Variants in GPRIN3 observed in about 807,000 individuals in gnomAD.
GPRIN3 encodes the protein G protein-regulated inducer of neurite outgrowth 3.
A neutral mutation model predicts 13.7 loss-of-function variants in GPRIN3; 12 were observed. The observed-to-expected ratio is 0.87, with a 90% CI of 0.56 to 1.42. The LOEUF (loss-of-function observed/expected upper bound fraction) is 1.42, where lower values mean the gene tolerates loss of function less well. Among genes scored for constraint, GPRIN3 ranks in the 40% most tolerant of loss-of-function variants. The pLI is 0.00. For missense variants in GPRIN3, 1,009 were observed against 958.7 expected, an observed-to-expected ratio of 1.05 and a Z score of -0.69; for synonymous variants, 377 against 372.7, an observed-to-expected ratio of 1.01 and a Z score of -0.13.
chr4:89,264,324 C>T (rs1723726603), intron 1 of GPRIN3, among the ~76,000 whole-genome samples: 1 of 152,176 alleles, frequency 6.6e-6, no homozygotes, highest in Admixed American at 6.5e-5. Context: ...CCCTGGCTCC[C>T]TTTTGCCTTC....
intron 1 of GPRIN3, among the ~76,000 whole-genome samples, chr4:89,288,457 A>T (rs983703962): frequency 6.6e-6 from 1 of 152,172 alleles, no homozygotes; most frequent in East Asian, 1.9e-4. Context: ...AGTTTGCATA[A>T]ATGCAAACTT....
intron 1 of GPRIN3, among the ~76,000 whole-genome samples, chr4:89,289,196 T>G (rs1246285480): frequency 6.6e-6 from 1 of 150,868 alleles, no homozygotes; most frequent in African/African-American, 2.4e-5. Context: ...AAGCCAGGCA[T>G]CTCCCTTTCC....
rs888670039 is a variant in GPRIN3, at chr4:89,238,257, T to G, written c.*9523A>C. 2 of 152,186 alleles carry G rather than the reference T, an allele frequency of 1.3e-5. No homozygotes were observed. The highest frequency in any genetic ancestry group is 2.9e-5 in the Non-Finnish European group (2 of 68,040). 9.4% of individuals were successfully genotyped at this position (152,186 alleles called of 1,614,324 possible). On this transcript the variant is annotated 3_prime_UTR_variant, in exon 2 of 2. Coordinates refer to ENST00000609438, the MANE Select transcript of GPRIN3 (RefSeq NM_198281.3). ...TCATATATCTTGTACCTCTCCTTCT[T>G]TACAGATCCTTGATGAATTGAAGAT...
intron 1 of GPRIN3, among the ~76,000 whole-genome samples, chr4:89,279,194 G>GT (rs945775945): frequency 1.3e-5 from 2 of 152,200 alleles, no homozygotes; most frequent in Admixed American, 6.5e-5. Flanking sequence ...AAGAAAAGGA[G>GT]TTTTTTATTT....
At position 89,248,323 on chromosome 4, in the gene GPRIN3, G is replaced by C; in HGVS notation, c.1788C>G (p.Asn596Lys). 1.2e-6 allele frequency: 2 copies of C among 1,614,130 alleles called. No individual in the cohort carries two copies. Among genetic ancestry groups the C allele is most frequent in the South Asian group, 2.2e-5 (2 of 91,080 alleles). Residue 596 changes from asparagine to lysine, a missense_variant, in exon 2 of 2, where the codon AAC (asparagine) becomes AAG (lysine). Transcript: ENST00000609438. The part of the protein sequence containing the change: ...RKNQESTLEE[N>K]RQTKTATSLS... ...GGCTGGTGGCTGTCTTGGTCTGTCT[G>C]TTTTCTTCTAAGGTGCTCTCCTGGT...
intron 1 of GPRIN3, among the ~76,000 whole-genome samples, chr4:89,300,455 T>C (rs1724864838): frequency 6.6e-6 from 1 of 152,070 alleles, no homozygotes; most frequent in African/African-American, 2.4e-5. Context: ...TTATAATAGA[T>C]CTGATGTTTA....
intron 1 of GPRIN3, among the ~76,000 whole-genome samples, chr4:89,270,600 T>TATATAA (rs1328112008): frequency 3.2e-4 from 39 of 120,558 alleles, no homozygotes; most frequent in African/African-American, 1.0e-3. Flanking sequence ...TATATATATA[T>TATATAA]AAAATATAGA....
chr4:89,249,890 G>A lies in GPRIN3; in HGVS notation c.221C>T (p.Thr74Ile), dbSNP rs1289890752. The change falls in exon 2 of 2, where the codon ACC becomes ATC. Residue 74 changes from threonine to isoleucine, a missense_variant. Thr to Ile is a moderately conservative substitution (Grantham distance 89). Transcript: ENST00000609438. ...ACCAGGAGAAGACATATCTGGTTGGGTGGTCTCATGCTCACAAACCTGCAT... is the reference window on the plus strand; with the variant it reads ...ACCAGGAGAAGACATATCTGGTTGGATGGTCTCATGCTCACAAACCTGCAT... ...ALMQVCEHET[T>I]QPDMSSPGVF... 20 of 1,614,236 alleles carry A rather than the reference G, an allele frequency of 1.2e-5. No homozygotes were observed. The highest frequency in any genetic ancestry group is 1.7e-5 in the Non-Finnish European group (20 of 1,180,040).
intron 1 of GPRIN3, among the ~76,000 whole-genome samples, chr4:89,295,229 C>G (rs369109283): frequency 1.5e-4 from 23 of 152,288 alleles, no homozygotes; most frequent in African/African-American, 5.1e-4. Flanking sequence ...CTTATATTTA[C>G]AGCAACACAC....
Position 89,249,743 on chromosome 4 carries a change from T to C in GPRIN3, c.368A>G (p.His123Arg). The C allele has an allele frequency of 6.2e-7, 1 of 1,614,100 alleles. No homozygotes were observed. The highest frequency in any genetic ancestry group is 8.5e-7 in the Non-Finnish European group (1 of 1,180,002). Residue 123 changes from histidine (H) to arginine (R), a missense_variant, in exon 2 of 2, where the codon CAC (histidine) becomes CGC (arginine). Physicochemically the swap from His to Arg is conservative, Grantham distance 29. Transcript: ENST00000609438. ...ATTGGCGGGCATTGTCAATGGTGTG[T>C]GTATAAGATCCCTTCCTGCTGCAGA... is the stretch of plus-strand genomic sequence containing the variant. ...PSSAAGRDLI[H>R]TPLTMPANQH... is the part of the protein sequence containing the mutation.
At position 89,249,609 on chromosome 4, in the gene GPRIN3, C is replaced by G; in HGVS notation, c.502G>C (p.Glu168Gln). The stretch of plus-strand genomic sequence containing the variant: ...CCTCCCACAGGACAACTTGGTTTCT[C>G]AGGTTGCTCTCTATTTGAGGTTCTC... ...SQRTSNREQP[E>Q]KPSCPVGGVL... The change falls in exon 2 of 2, where the codon GAG becomes CAG. Residue 168 changes from glutamate to glutamine, a missense_variant. By Grantham distance (29) the Glu-to-Gln change is conservative. Transcript: ENST00000609438. 6.2e-7 allele frequency: 1 copy of G among 1,614,156 alleles called. No homozygotes were observed. The highest frequency in any genetic ancestry group is 1.3e-5 in the African/African-American group (1 of 75,044).
rs1002447887 is a variant in GPRIN3 at position 89,241,399 on chromosome 4, C to T, written c.*6381G>A. 1.3e-5 allele frequency: 2 copies of T among 152,152 alleles called. No homozygotes were observed. Among genetic ancestry groups the T allele is most frequent in the African/African-American group, 4.8e-5 (2 of 41,450 alleles). 9.4% of individuals were successfully genotyped at this position (152,152 alleles called of 1,614,324 possible). On this transcript the variant is annotated 3_prime_UTR_variant, in exon 2 of 2. Coordinates refer to ENST00000609438, the MANE Select transcript of GPRIN3 (RefSeq NM_198281.3). ...TTACACATAAAAATAGAAAACTGAT[C>T]ACTCAGACTGTACACACTCACAGAA...
Position 89,241,458 on chromosome 4 carries a change from T to A in GPRIN3, c.*6322A>T, listed in dbSNP as rs533885521. ...CATACCACGACCAGCTACAGTATTATGCACGACATATTGTTCACACATTAG... is the reference window on the plus strand; with the variant it reads ...CATACCACGACCAGCTACAGTATTAAGCACGACATATTGTTCACACATTAG... On this transcript the variant is annotated 3_prime_UTR_variant, in exon 2 of 2. Transcript: ENST00000609438. The A allele has an allele frequency of 6.6e-6, 1 of 152,356 alleles. No individual in the cohort carries two copies. Among genetic ancestry groups the A allele is most frequent in the East Asian group, 1.9e-4 (1 of 5,190 alleles). The allele number at this position is 152,356 out of a possible 1,614,324, so 9.4% of individuals were successfully genotyped here. A position where few individuals can be genotyped will look rare whatever the true frequency, so the allele number is the denominator to read the frequency against.
At position 89,248,366 on chromosome 4, in the gene GPRIN3, G is replaced by A. The variant is rs185466961; in HGVS notation, c.1745C>T (p.Pro582Leu). The change falls in exon 2 of 2, where the codon CCC becomes CTC. Residue 582 changes from proline to leucine, a missense_variant. By Grantham distance (98) the Pro-to-Leu change is moderately conservative. Transcript: ENST00000609438. ...GGTESAANPT[P>L]SPIRKNQEST... ...CTCCTGGTTCTTCCTAATTGGGGAG[G>A]GTGTAGGATTAGCAGCTGATTCTGT... is the stretch of plus-strand genomic sequence containing the variant. 6 of 1,614,138 alleles carry A rather than the reference G, an allele frequency of 3.7e-6. No individual in the cohort carries two copies. The highest frequency in any genetic ancestry group is 1.7e-4 in the Middle Eastern group (1 of 6,060).
chr4:89,248,142 C>G lies in GPRIN3; in HGVS notation c.1969G>C (p.Gly657Arg), dbSNP rs1413892169. The change falls in exon 2 of 2, where the codon GGA (glycine) becomes CGA (arginine). Residue 657 changes from glycine to arginine, a missense_variant. Transcript: ENST00000609438. ...LNVTAAAAQV[G>R]LTPGDKKKQL... The stretch of plus-strand genomic sequence containing the variant: ...TTTTTCTTATCTCCTGGAGTGAGTC[C>G]TACCTGAGCAGCAGCTGCTGTCACA... 1 of 1,614,118 alleles carries G rather than the reference C, an allele frequency of 6.2e-7. No homozygotes were observed.
chr4:89,297,155 A>T (rs1033409994), intron 1 of GPRIN3, among the ~76,000 whole-genome samples: 1 of 152,186 alleles, frequency 6.6e-6, no homozygotes, highest in African/African-American at 2.4e-5. Context: ...GGAATTATTA[A>T]TGTGTTATTA....
At chr4:89,272,265 T>C (rs1723974841) in intron 1 of GPRIN3, among the ~76,000 whole-genome samples, 1 of 152,152 alleles carries the variant, frequency 6.6e-6, no homozygotes, top group Non-Finnish European at 1.5e-5. Context: ...GTTGGGTTTC[T>C]AGAAAAAGAC....
chr4:89,248,287 T>C lies in GPRIN3; in HGVS notation c.1824A>G (p.Pro608=). Residue 608 remains proline, a synonymous_variant, in exon 2 of 2, where the codon CCA becomes CCG. Transcript: ENST00000609438. ...QTKTATSLSL[P]SDPMGDSSPG... ...GGCTGGAGTCACCCATGGGATCAGATGGCAGGCTCAGGCTGGTGGCTGTCT... is the reference window on the plus strand; with the variant it reads ...GGCTGGAGTCACCCATGGGATCAGACGGCAGGCTCAGGCTGGTGGCTGTCT... 6.2e-7 allele frequency: 1 copy of C among 1,614,182 alleles called. No homozygotes were observed. The highest frequency in any genetic ancestry group is 8.5e-7 in the Non-Finnish European group (1 of 1,180,014).
rs546254479 is a variant in GPRIN3, at chr4:89,306,058, G to GT, written c.-124+1556dup. Among the ~76,000 whole-genome samples the GT allele has an allele frequency of 4.4e-3, 657 of 149,118 alleles. 3 individuals carry two copies. Among genetic ancestry groups the GT allele is most frequent in the African/African-American group, 9.7e-3 (394 of 40,728 alleles). On this transcript the variant is annotated intron_variant, in intron 1 of 1. Transcript: ENST00000609438. ...ATCTAGGCCTGCAATTGCAATTGCT[G>GT]TTTTTTTTTTCTCTTTTGAATCAAT...
Sources: allele counts gnomAD v4.1 joint callset (sites outside exome capture counted in the v4.1 genomes callset), GRCh38; gene constraint gnomAD v4.1.1; transcripts MANE v1.5; gene names NCBI Gene and HGNC (gene_info 2026-07-23, HGNC 2026-07-21).